Variants in KIRREL3 observed in about 807,000 individuals in gnomAD.
KIRREL3 encodes kirre like nephrin family adhesion molecule 3.
In KIRREL3, 36 loss-of-function variants were observed where a neutral mutation model predicts 89.7. That is an observed-to-expected ratio of 0.40 (90% CI 0.31 to 0.53). The LOEUF (loss-of-function observed/expected upper bound fraction) is 0.53, where lower values mean the gene tolerates loss of function less well. Among genes scored for constraint, KIRREL3 ranks in the 20% least tolerant of loss-of-function variants. KIRREL3 has a pLI of 0.49. For missense variants in KIRREL3, 864 were observed against 1,056.6 expected (o/e 0.82, Z 2.53); for synonymous variants, 445 against 441.4 (o/e 1.01, Z -0.10).
chr11:126,860,888 T>A lies in KIRREL3; in HGVS notation c.55+139567A>T, dbSNP rs1944681911. On this transcript the variant is annotated intron_variant, in intron 1 of 16. Transcript: ENST00000525144. This position sits in a 1 kb window ranked among gnomAD's most constrained non-coding sequence, Gnocchi z 4.6. Reference sequence around the variant, plus strand: ...ATTCTTCTCGCAGTTTCAGAAATACTACCTCCTTTGTACCACTCTTGGTAC... The same window carrying A: ...ATTCTTCTCGCAGTTTCAGAAATACAACCTCCTTTGTACCACTCTTGGTAC... 6.6e-6 allele frequency among the ~76,000 whole-genome samples: 1 copy of A among 152,198 alleles called. No individual in the cohort carries two copies. Among genetic ancestry groups the A allele is most frequent in the African/African-American group, 2.4e-5 (1 of 41,456 alleles).
intron 6 of KIRREL3, among the ~76,000 whole-genome samples, chr11:126,461,938 C>T (rs1956558107): frequency 6.6e-6 from 1 of 152,186 alleles, no homozygotes; most frequent in Non-Finnish European, 1.5e-5. Flanking sequence ...GAAGCAGCCA[C>T]CTGCTTGCAG....
At chr11:126,514,122 G>A (rs1347102591) in intron 4 of KIRREL3, among the ~76,000 whole-genome samples, 1 of 152,130 alleles carries the variant, frequency 6.6e-6, no homozygotes, top group African/African-American at 2.4e-5. Flanking sequence ...GGTGGCAGGG[G>A]TGGGGTGTGT....
In KIRREL3 at chr11:126,639,099, C is replaced by T. The variant is rs543962679; in HGVS notation, c.56-76187G>A. Among the ~76,000 whole-genome samples, 37 of 152,178 alleles carry T rather than the reference C, an allele frequency of 2.4e-4. No homozygotes were observed. Among genetic ancestry groups the T allele is most frequent in the Non-Finnish European group, 4.4e-4 (30 of 68,030 alleles). On this transcript the variant is annotated intron_variant, in intron 1 of 16. Coordinates refer to ENST00000525144, the MANE Select transcript of KIRREL3 (RefSeq NM_032531.4). The surrounding 1 kb of genome is among the most constrained non-coding windows in gnomAD (Gnocchi z 4.3). ...GCATTGCCAAAGTTTCCAGTTTCTT[C>T]ATGACTTGGCCAGCCCCCCAATCAT...
intron 1 of KIRREL3, among the ~76,000 whole-genome samples, chr11:126,657,622 TAG>T: frequency 6.6e-6 from 1 of 151,072 alleles, no homozygotes; most frequent in South Asian, 2.1e-4. Flanking sequence ...TGAGGTGGAG[TAG>T]GGAGATGGAG....
chr11:126,485,469 C>T lies in KIRREL3; in HGVS notation c.434-12003G>A, dbSNP rs1460336875. On this transcript the variant is annotated intron_variant, in intron 4 of 16. Coordinates refer to ENST00000525144, the MANE Select transcript of KIRREL3 (RefSeq NM_032531.4). The surrounding 1 kb of genome is among the most constrained non-coding windows in gnomAD (Gnocchi z 5.8). Reference sequence around the variant, plus strand: ...GCTTCTGGCTCCGTCATTCACTGGCCACGTGACCATGTGCAAATTCTCTGT... The same window carrying T: ...GCTTCTGGCTCCGTCATTCACTGGCTACGTGACCATGTGCAAATTCTCTGT... Among the ~76,000 whole-genome samples, 1 of 152,164 alleles carries T rather than the reference C, an allele frequency of 6.6e-6. No individual in the cohort carries two copies. Among genetic ancestry groups the T allele is most frequent in the Non-Finnish European group, 1.5e-5 (1 of 68,030 alleles).
chr11:126,999,139 T>C lies in KIRREL3; in HGVS notation c.55+1316A>G, dbSNP rs1382828833. 7.1e-6 allele frequency among the ~76,000 whole-genome samples: 1 copy of C among 140,854 alleles called. No homozygotes were observed. Among genetic ancestry groups the C allele is most frequent in the Non-Finnish European group, 1.5e-5 (1 of 66,222 alleles). The allele number at this position is 140,854 out of a possible 152,430, so 92.4% of individuals were successfully genotyped here. On this transcript the variant is annotated intron_variant, in intron 1 of 16. Coordinates refer to ENST00000525144, the MANE Select transcript of KIRREL3 (RefSeq NM_032531.4). This position sits in a 1 kb window ranked among gnomAD's most constrained non-coding sequence, Gnocchi z 5.7. ...CCTTGGTGAGAAGCACACAACCATATGAATACATGAGTGTGTGTGTGTGTG... is the reference window on the plus strand; with the variant it reads ...CCTTGGTGAGAAGCACACAACCATACGAATACATGAGTGTGTGTGTGTGTG...
At chr11:126,765,577 G>A (rs1483389527) in intron 1 of KIRREL3, among the ~76,000 whole-genome samples, 1 of 152,188 alleles carries the variant, frequency 6.6e-6, no homozygotes, top group African/African-American at 2.4e-5. Flanking sequence ...TACTACTACA[G>A]TTATTTTTAT....
rs1301306153 is a variant in KIRREL3, at chr11:126,870,868, C to T, written c.55+129587G>A. ...CTGGGCCCCTGTACATGTGGCAAGA[C>T]CTGGAAGTGGGTTCCCTGCACAGAA... On this transcript the variant is annotated intron_variant, in intron 1 of 16. Transcript: ENST00000525144. This position sits in a 1 kb window ranked among gnomAD's most constrained non-coding sequence, Gnocchi z 4.4. 8.4e-6 allele frequency among the ~76,000 whole-genome samples: 1 copy of T among 119,132 alleles called. No individual in the cohort carries two copies. Among genetic ancestry groups the T allele is most frequent in the Non-Finnish European group, 1.9e-5 (1 of 53,710 alleles). The allele number at this position is 119,132 out of a possible 152,430, so 78.2% of individuals were successfully genotyped here. A position where few individuals can be genotyped will look rare whatever the true frequency, so the allele number is the denominator to read the frequency against.
chr11:126,538,044 C>T lies in KIRREL3; in HGVS notation c.134-11357G>A, dbSNP rs552879584. 4.6e-4 allele frequency among the ~76,000 whole-genome samples: 70 copies of T among 151,868 alleles called. 2 individuals carry two copies. The South Asian group carries it at 0.014, about 31-fold the overall frequency. ...ACTGTTAAAACAGGGGCCAGAGCAGCACCTGTCTTGCAGAGTCCCAAGGCT... is the reference window on the plus strand; with the variant it reads ...ACTGTTAAAACAGGGGCCAGAGCAGTACCTGTCTTGCAGAGTCCCAAGGCT... On this transcript the variant is annotated intron_variant, in intron 2 of 16. Coordinates refer to ENST00000525144, the MANE Select transcript of KIRREL3 (RefSeq NM_032531.4).
chr11:126,460,523 GTACTGCCTTGGACGA>G (rs987069637), intron 6 of KIRREL3, among the ~76,000 whole-genome samples: 2 of 152,204 alleles, frequency 1.3e-5, no homozygotes, highest in African/African-American at 4.8e-5. Flanking sequence ...CCACTACCCA[GTACTGCCTTGGACGA>G]GGCTGGTCTG....
At position 127,000,278 on chromosome 11, in the gene KIRREL3, A is replaced by G. The variant is rs1364065849; in HGVS notation, c.55+177T>C. Among the ~76,000 whole-genome samples, 1 of 152,056 alleles carries G rather than the reference A, an allele frequency of 6.6e-6. No homozygotes were observed. Among genetic ancestry groups the G allele is most frequent in the Non-Finnish European group, 1.5e-5 (1 of 67,994 alleles). ...TTCTTTCCAAAGGAAAATAAACAGTACCATTTTGTTGCATTCGCAAAGGCG... is the reference window on the plus strand; with the variant it reads ...TTCTTTCCAAAGGAAAATAAACAGTGCCATTTTGTTGCATTCGCAAAGGCG... On this transcript the variant is annotated intron_variant, in intron 1 of 16. Transcript: ENST00000525144. This position sits in a 1 kb window ranked among gnomAD's most constrained non-coding sequence, Gnocchi z 7.1.
Position 126,940,891 on chromosome 11 carries a change from AT to A in KIRREL3, c.55+59563del, listed in dbSNP as rs1272856710. ...TTGGATACTGTACTCTGGTTCCTTCATCTCCTCCATCTGCATCAGCCTAAAT... is the reference window on the plus strand; with the variant it reads ...TTGGATACTGTACTCTGGTTCCTTCACTCCTCCATCTGCATCAGCCTAAAT... On this transcript the variant is annotated intron_variant, in intron 1 of 16. Coordinates refer to ENST00000525144, the MANE Select transcript of KIRREL3 (RefSeq NM_032531.4). This position sits in a 1 kb window ranked among gnomAD's most constrained non-coding sequence, Gnocchi z 4.6. 6.6e-6 allele frequency: 1 copy of A among 151,564 alleles called. No individual in the cohort carries two copies. The highest frequency in any genetic ancestry group is 1.9e-4 in the East Asian group (1 of 5,170). The allele number at this position is 151,564 out of a possible 1,614,324, so 9.4% of individuals were successfully genotyped here.
At position 126,679,302 on chromosome 11, in the gene KIRREL3, C is replaced by T. The variant is rs183548789; in HGVS notation, c.56-116390G>A. The stretch of plus-strand genomic sequence containing the variant: ...TTTTGTTAAGCAAACAATATATAGC[C>T]TTGTGGTTGAAGCCACAGTTAGAAG... On this transcript the variant is annotated intron_variant, in intron 1 of 16. Transcript: ENST00000525144. Among the ~76,000 whole-genome samples the T allele has an allele frequency of 3.3e-5, 5 of 152,318 alleles. No homozygotes were observed. The East Asian group carries it at 9.6e-4, about 29-fold the overall frequency.
intron 4 of KIRREL3, among the ~76,000 whole-genome samples, chr11:126,511,080 A>G (rs985331578): frequency 1.3e-3 from 140 of 109,194 alleles, no homozygotes; most frequent in African/African-American, 5.2e-3. Flanking sequence ...TGTGTGTTGG[A>G]GCAGAACAGA....
At chr11:126,693,511 G>T (rs1211767856) in intron 1 of KIRREL3, among the ~76,000 whole-genome samples, 1 of 152,136 alleles carries the variant, frequency 6.6e-6, no homozygotes, top group Non-Finnish European at 1.5e-5. Flanking sequence ...AGGAGAGAAA[G>T]AGACTCTGCC....
intron 1 of KIRREL3, among the ~76,000 whole-genome samples, chr11:126,862,546 G>T (rs1372859260): frequency 6.6e-6 from 1 of 152,176 alleles, no homozygotes; most frequent in African/African-American, 2.4e-5. Flanking sequence ...AGCAGGTTTG[G>T]AAAGGGGACT....
At chr11:126,660,751 G>A (rs572296712) in intron 1 of KIRREL3, among the ~76,000 whole-genome samples, 2 of 152,304 alleles carry the variant, frequency 1.3e-5, no homozygotes, top group East Asian at 3.9e-4. Context: ...GCTAGAACAT[G>A]CACTGACTCT....
chr11:126,992,004 T>G (rs1393859428), intron 1 of KIRREL3, among the ~76,000 whole-genome samples: 3 of 152,206 alleles, frequency 2.0e-5, no homozygotes, highest in African/African-American at 7.2e-5. Context: ...AATGAGGTAG[T>G]GCTTGTGAAA....
Position 126,898,634 on chromosome 11 carries a change from A to G in KIRREL3, c.55+101821T>C, listed in dbSNP as rs904678513. Among the ~76,000 whole-genome samples the G allele has an allele frequency of 1.2e-4, 18 of 152,328 alleles. No individual in the cohort carries two copies. Among genetic ancestry groups the G allele is most frequent in the African/African-American group, 4.3e-4 (18 of 41,582 alleles). ...TCCTTTAGGTAAATTAAAATCATGC[A>G]TATAGGTAACACCCTGTACTTTACA... On this transcript the variant is annotated intron_variant, in intron 1 of 16. Transcript: ENST00000525144. The surrounding 1 kb of genome is among the most constrained non-coding windows in gnomAD (Gnocchi z 4.9).
Sources: gnomAD v4.1 joint callset for allele counts (sites outside exome capture counted in the v4.1 genomes callset) on GRCh38, gnomAD v4.1.1 for gene constraint, Gnocchi (gnomAD v3.1) non-coding constraint, MANE v1.5 for transcripts, NCBI Gene and HGNC (gene_info 2026-07-23, HGNC 2026-07-21) for gene names.